RAP1A: variants seen among roughly 807,000 people sequenced by gnomAD.
RAP1A encodes RAP1A, member of RAS oncogene family.
In RAP1A, 6 loss-of-function variants were observed where a neutral mutation model predicts 26.4. The ratio of observed to expected loss-of-function variants is 0.23; its 90% CI spans 0.12 to 0.45. The LOEUF (loss-of-function observed/expected upper bound fraction) is 0.45. RAP1A is among the 20% of genes least tolerant of loss of function. The pLI, the probability that RAP1A is intolerant of heterozygous loss-of-function variation, is 0.99. For synonymous variants in RAP1A, 73 were observed against 79.4 expected, an observed-to-expected ratio of 0.92 and a Z score of 0.43; for missense variants, 121 against 217.2, an observed-to-expected ratio of 0.56 and a Z score of 2.78.
At chr1:111,575,452 C>T (rs1437201787) in intron 1 of RAP1A, among the ~76,000 whole-genome samples, 1 of 152,176 alleles carries the variant, frequency 6.6e-6, no homozygotes, top group Non-Finnish European at 1.5e-5. Flanking sequence ...CACACCCAGC[C>T]TGAAGGTACT....
intron 1 of RAP1A, among the ~76,000 whole-genome samples, chr1:111,569,445 G>C (rs1657998025): frequency 6.6e-6 from 1 of 151,148 alleles, no homozygotes; most frequent in Non-Finnish European, 1.5e-5. Context: ...CCAGGGGTCA[G>C]CACCCCTAAC....
intron 1 of RAP1A, among the ~76,000 whole-genome samples, chr1:111,679,056 T>C (rs1343187358): frequency 6.6e-6 from 1 of 152,126 alleles, no homozygotes; most frequent in Non-Finnish European, 1.5e-5. Flanking sequence ...AGAACCCAGA[T>C]AAATGAAAGC....
At chr1:111,595,595 T>C (rs1658551155) in intron 1 of RAP1A, among the ~76,000 whole-genome samples, 1 of 152,234 alleles carries the variant, frequency 6.6e-6, no homozygotes, top group African/African-American at 2.4e-5. Context: ...CTTATTCTCA[T>C]TTCTTATTGG....
intron 1 of RAP1A, among the ~76,000 whole-genome samples, chr1:111,676,426 T>A (rs1452257773): frequency 6.6e-6 from 1 of 151,558 alleles, no homozygotes; most frequent in East Asian, 1.9e-4. Flanking sequence ...ACTGGTATTC[T>A]GAGAAATTTC....
At chr1:111,697,357 T>C (rs1216860125) in intron 3 of RAP1A, 84 bp from the exon 4 acceptor site, 2 of 1,599,826 alleles carry the variant, frequency 1.3e-6, no homozygotes, top group African/African-American at 1.3e-5. Context: ...TTGTTAATAG[T>C]TACTTTGATG....
chr1:111,639,391 A>T (rs548945303), intron 1 of RAP1A, among the ~76,000 whole-genome samples: 2 of 152,250 alleles, frequency 1.3e-5, no homozygotes, highest in South Asian at 4.1e-4. Context: ...GAAAACAGTA[A>T]ACATTGCAGA....
chr1:111,682,823 C>T (rs1406162532), intron 1 of RAP1A, among the ~76,000 whole-genome samples: 1 of 152,102 alleles, frequency 6.6e-6, no homozygotes, highest in Admixed American at 6.6e-5. Context: ...ACCAAGCGGA[C>T]CTAATAGACA....
intron 1 of RAP1A, among the ~76,000 whole-genome samples, chr1:111,554,628 C>T (rs1415047934): frequency 6.6e-6 from 1 of 152,178 alleles, no homozygotes; most frequent in Non-Finnish European, 1.5e-5. Context: ...CACACATATA[C>T]CCCTCAAAGG....
chr1:111,646,839 G>T (rs752925846), intron 1 of RAP1A, among the ~76,000 whole-genome samples: 1 of 152,160 alleles, frequency 6.6e-6, no homozygotes, highest in Non-Finnish European at 1.5e-5. Context: ...GCGCACAGAC[G>T]AGTGGAACAC....
intron 1 of RAP1A, among the ~76,000 whole-genome samples, chr1:111,554,837 A>G (rs1343893575): frequency 6.6e-6 from 1 of 152,170 alleles, no homozygotes; most frequent in African/African-American, 2.4e-5. Context: ...GGAATCTAAG[A>G]ATCTAAAAAA....
chr1:111,701,641 C>G (rs754604952), intron 4 of RAP1A, among the ~76,000 whole-genome samples: 1 of 152,110 alleles, frequency 6.6e-6, no homozygotes, highest in African/African-American at 2.4e-5. Flanking sequence ...TTGGCATTCT[C>G]AATAGGAGGG....
At chr1:111,623,183 A>C (rs1278083710) in intron 1 of RAP1A, among the ~76,000 whole-genome samples, 2 of 35,608 alleles carry the variant, frequency 5.6e-5, no homozygotes, top group East Asian at 1.1e-3. Flanking sequence ...ACGCCCAGAT[A>C]ATTTTTTTTT....
At chr1:111,674,280 T>A (rs1418140624) in intron 1 of RAP1A, among the ~76,000 whole-genome samples, 3 of 140,886 alleles carry the variant, frequency 2.1e-5, no homozygotes, top group Non-Finnish European at 4.6e-5. Flanking sequence ...TTTCTTTTCA[T>A]GGACATCACT....
intron 1 of RAP1A, among the ~76,000 whole-genome samples, chr1:111,566,275 A>G (rs1364805026): frequency 6.6e-6 from 1 of 152,198 alleles, no homozygotes; most frequent in African/African-American, 2.4e-5. Flanking sequence ...AAATGAGGCA[A>G]GAGTCGGGGG....
intron 2 of RAP1A, 108 bp downstream of exon 2, chr1:111,691,525 ATATC>A: frequency 1.1e-6 from 1 of 892,744 alleles, no homozygotes; most frequent in Non-Finnish European, 1.8e-6. Context: ...GCATTATTAT[ATATC>A]TGATATCTGT....
chr1:111,662,319 C>T lies in RAP1A; in HGVS notation c.-27-29015C>T, dbSNP rs150160779. 9.9e-3 allele frequency among the ~76,000 whole-genome samples: 1,467 copies of T among 147,616 alleles called. 11 individuals are homozygous for T. The highest frequency in any genetic ancestry group is 0.017 in the Non-Finnish European group (1,151 of 67,496). On this transcript the variant is annotated intron_variant, in intron 1 of 7. Transcript: ENST00000369709. ...CTGAGGCAAGAGAATGGCGTGAATC[C>T]GGGAGGCGGAGCTTGCAGTGAGCAG...
intron 1 of RAP1A, among the ~76,000 whole-genome samples, chr1:111,623,656 G>C (rs1030311860): frequency 6.6e-6 from 1 of 152,072 alleles, no homozygotes; most frequent in Non-Finnish European, 1.5e-5. Flanking sequence ...TGATCCGCCC[G>C]CCTCAGCCTC....
intron 1 of RAP1A, among the ~76,000 whole-genome samples, chr1:111,679,553 C>A (rs1042910535): frequency 1.5e-4 from 23 of 152,018 alleles, no homozygotes; most frequent in Admixed American, 5.9e-4. Context: ...GGAACCCCAG[C>A]AACACAGAAC....
intron 1 of RAP1A, among the ~76,000 whole-genome samples, chr1:111,603,151 G>A (rs185877083): frequency 2.3e-4 from 35 of 152,348 alleles, no homozygotes; most frequent in African/African-American, 8.4e-4. Flanking sequence ...GCCCTTGGAC[G>A]AGAGACTTAG....
Sources: gnomAD v4.1 joint callset for allele counts (sites outside exome capture counted in the v4.1 genomes callset) on GRCh38, gnomAD v4.1.1 for gene constraint, MANE v1.5 for transcripts, NCBI Gene and HGNC (gene_info 2026-07-23, HGNC 2026-07-21) for gene names.